Variants in LEPR observed in about 807,000 individuals in gnomAD.
LEPR encodes OB receptor.
A neutral mutation model predicts 114.7 loss-of-function variants in LEPR; 56 were observed. The ratio of observed to expected loss-of-function variants is 0.49; its 90% CI spans 0.39 to 0.61. LEPR has a LOEUF of 0.61. Among genes scored for constraint, LEPR ranks in the 20% least tolerant of loss-of-function variants. The pLI, the probability that LEPR is intolerant of heterozygous loss-of-function variation, is 0.00. For missense variants in LEPR, 1,202 were observed against 1,352.9 expected (o/e 0.89, Z 1.75); for synonymous variants, 443 against 461.4 (o/e 0.96, Z 0.51).
intron 2 of LEPR, among the ~76,000 whole-genome samples, chr1:65,442,661 G>A (rs1424982330): frequency 6.6e-6 from 1 of 152,118 alleles, no homozygotes; most frequent in African/African-American, 2.4e-5. Flanking sequence ...GCAGTTTTAA[G>A]TTTGTGCAAG....
chr1:65,461,713 T>C (rs1361761516), intron 2 of LEPR, among the ~76,000 whole-genome samples: 1 of 152,204 alleles, frequency 6.6e-6, no homozygotes, highest in Non-Finnish European at 1.5e-5. Context: ...GCATACTGAC[T>C]TCCTTCAAAA....
chr1:65,518,907 T>TTCTTTCTTTCTTTCTTTCTTTC (rs1557636310), intron 2 of LEPR, among the ~76,000 whole-genome samples: 42 of 119,188 alleles, frequency 3.5e-4, no homozygotes, highest in Non-Finnish European at 4.8e-4. Context: ...CTTTCTTTCT[T>TTCTTTCTTTCTTTCTTTCTTTC]TCTTTCTTTC....
intron 2 of LEPR, among the ~76,000 whole-genome samples, chr1:65,517,207 C>A (rs1458705043): frequency 6.6e-6 from 1 of 152,168 alleles, no homozygotes; most frequent in Non-Finnish European, 1.5e-5. Context: ...GTGGTTCCTG[C>A]AGGGTATTGG....
intron 19 of LEPR, chr1:65,626,166 C>T (rs771429923): frequency 6.2e-7 from 1 of 1,611,830 alleles, no homozygotes. Context: ...GGTTGGTTGA[C>T]TTAGGAAATG....
intron 2 of LEPR, among the ~76,000 whole-genome samples, chr1:65,507,436 ATT>A (rs1491411714): frequency 1.5e-5 from 1 of 67,638 alleles, no homozygotes; most frequent in Non-Finnish European, 3.5e-5. Context: ...ATAGTATTCC[ATT>A]GTGTGTGTGT....
chr1:65,484,212 C>A (rs1029521646), intron 2 of LEPR, among the ~76,000 whole-genome samples: 7 of 151,918 alleles, frequency 4.6e-5, no homozygotes, highest in Admixed American at 6.6e-5. Flanking sequence ...ATTGCGATAC[C>A]CCTAGTTCCC....
intron 2 of LEPR, chr1:65,486,368 T>C (rs897423179): frequency 5.3e-5 from 8 of 152,170 alleles, no homozygotes; most frequent in African/African-American, 1.9e-4. Context: ...AATGACTAAA[T>C]GAGTTCTCTC....
intron 7 of LEPR, among the ~76,000 whole-genome samples, chr1:65,597,889 T>A (rs1013013948): frequency 3.3e-5 from 5 of 151,876 alleles, no homozygotes; most frequent in African/African-American, 1.2e-4. Flanking sequence ...AAACTGGAGA[T>A]AATTTGTGAA....
chr1:65,430,013 T>G (rs757706265), intron 2 of LEPR: 7 of 1,568,658 alleles, frequency 4.5e-6, no homozygotes, highest in African/African-American at 1.3e-5. Context: ...TGTTTCTGCC[T>G]TTGGATTTCC....
At chr1:65,434,641 A>G (rs993030539) in intron 2 of LEPR, 2 of 985,324 alleles carry the variant, frequency 2.0e-6, no homozygotes, top group African/African-American at 3.5e-5. Context: ...GAGGAAGGAC[A>G]GTGCAACTTT....
At chr1:65,541,514 GT>G (rs951549746) in intron 2 of LEPR, among the ~76,000 whole-genome samples, 221 of 148,518 alleles carry the variant, frequency 1.5e-3, no homozygotes, top group African/African-American at 4.6e-3. Context: ...ATGTTGGAAG[GT>G]TTTTTTTTTA....
At chr1:65,455,598 G>A (rs1259861424) in intron 2 of LEPR, among the ~76,000 whole-genome samples, 3 of 151,598 alleles carry the variant, frequency 2.0e-5, no homozygotes, top group Non-Finnish European at 4.4e-5. Flanking sequence ...CTGCTCGGGG[G>A]TCAGGGGTCA....
At chr1:65,547,816 G>T (rs1328592853) in intron 2 of LEPR, among the ~76,000 whole-genome samples, 1 of 86,672 alleles carries the variant, frequency 1.2e-5, no homozygotes, top group Non-Finnish European at 2.6e-5. Context: ...CTTCAGTTCT[G>T]CTCTGATTTT....
intron 7 of LEPR, among the ~76,000 whole-genome samples, chr1:65,598,327 G>A (rs1656216892): frequency 2.0e-5 from 3 of 151,900 alleles, no homozygotes; most frequent in African/African-American, 7.3e-5. Flanking sequence ...CCAGGTGTGT[G>A]TTATAGGTGT....
At chr1:65,520,701 G>A (rs1450484684) in intron 2 of LEPR, among the ~76,000 whole-genome samples, 2 of 152,198 alleles carry the variant, frequency 1.3e-5, no homozygotes, top group African/African-American at 4.8e-5. Flanking sequence ...TGAGAACCTC[G>A]AACAGAGATT....
intron 2 of LEPR, among the ~76,000 whole-genome samples, chr1:65,456,130 C>G (rs1467104127): frequency 4.6e-5 from 7 of 152,248 alleles, no homozygotes; most frequent in Non-Finnish European, 8.8e-5. Flanking sequence ...AATGCCTCGC[C>G]CAGCTTCGGC....
intron 2 of LEPR, among the ~76,000 whole-genome samples, chr1:65,474,756 C>T (rs1292790682): frequency 6.6e-6 from 1 of 151,894 alleles, no homozygotes; most frequent in African/African-American, 2.4e-5. Context: ...GCCTGTAATC[C>T]CAGCACTTTG....
At chr1:65,487,216 TTGTC>T (rs1331425557) in intron 2 of LEPR, among the ~76,000 whole-genome samples, 6 of 152,184 alleles carry the variant, frequency 3.9e-5, no homozygotes, top group Non-Finnish European at 8.8e-5. Context: ...TTTTTACTAT[TTGTC>T]TGTCAGTTGT....
intron 2 of LEPR, among the ~76,000 whole-genome samples, chr1:65,457,214 T>C (rs1646888560): frequency 6.6e-6 from 1 of 152,234 alleles, no homozygotes; most frequent in South Asian, 2.1e-4. Context: ...TATAACCTAA[T>C]ACGTTATTGC....
Sources: allele counts gnomAD v4.1 joint callset (sites outside exome capture counted in the v4.1 genomes callset), GRCh38; gene constraint gnomAD v4.1.1; transcripts MANE v1.5; gene names NCBI Gene and HGNC (gene_info 2026-07-23, HGNC 2026-07-21).